Variants in TRMT2B observed in about 807,000 individuals in gnomAD.
TRMT2B encodes the protein tRNA (uracil-5-)-methyltransferase homolog B.
Under a neutral mutation model 39.7 loss-of-function variants are expected in TRMT2B, and 34 were observed. The observed-to-expected ratio is 0.86, with a 90% confidence interval of 0.65 to 1.14. The LOEUF (loss-of-function observed/expected upper bound fraction) is 1.14. TRMT2B is among the 50% of genes most tolerant of loss of function. The pLI is 0.00. For synonymous variants in TRMT2B, 132 were observed against 137.3 expected (o/e 0.96, Z 0.27); for missense variants, 318 against 377.2 (o/e 0.84, Z 1.30).
chrX:100,981,816 G>GA, the TRMT2B span, among the ~76,000 whole-genome samples: 1 of 105,143 alleles, frequency 9.5e-6, no homozygotes, highest in Non-Finnish European at 1.9e-5. Context: ...CTCAAAAAAA[G>GA]AAAAAAATAC....
chrX:101,034,909 G>A (rs2087741314), intron 7 of TRMT2B, among the ~76,000 whole-genome samples: 1 of 111,928 alleles, frequency 8.9e-6, no homozygotes, highest in African/African-American at 3.2e-5. Flanking sequence ...GCATGGGCCT[G>A]TAGTCCCAGC....
chrX:101,048,943 C>T (rs887413513), intron 2 of TRMT2B, among the ~76,000 whole-genome samples: 1 of 112,275 alleles, frequency 8.9e-6, no homozygotes, highest in African/African-American at 3.2e-5. Flanking sequence ...CAGTGCTCAA[C>T]ATGTGTCACT....
intron 2 of TRMT2B, among the ~76,000 whole-genome samples, chrX:101,045,805 A>G (rs2088622438): frequency 9.3e-6 from 1 of 107,897 alleles, no homozygotes; most frequent in South Asian, 4.0e-4. Context: ...CTCAAAAAAT[A>G]ATAATATTAA....
intron 8 of TRMT2B, among the ~76,000 whole-genome samples, chrX:101,022,876 C>A (rs2086870110): frequency 9.0e-6 from 1 of 111,575 alleles, no homozygotes; most frequent in Non-Finnish European, 1.9e-5. Flanking sequence ...TGCAATAAAC[C>A]ATGTAGGAAC....
chrX:101,038,509 A>T (rs1334075732), intron 4 of TRMT2B, among the ~76,000 whole-genome samples: 1 of 111,600 alleles, frequency 9.0e-6, no homozygotes, highest in African/African-American at 3.2e-5. Context: ...CCCAGAATGA[A>T]GGAACAAAAA....
chrX:100,978,759 TTTCC>T, the TRMT2B span, among the ~76,000 whole-genome samples: 3 of 111,005 alleles, frequency 2.7e-5, no homozygotes, highest in Non-Finnish European at 5.7e-5. Flanking sequence ...TTTTTGGTCT[TTTCC>T]TTCCTTCCTT....
intron 11 of TRMT2B, among the ~76,000 whole-genome samples, chrX:101,020,157 C>A (rs193183313): frequency 2.7e-4 from 30 of 111,576 alleles, no homozygotes; most frequent in Middle Eastern, 9.2e-3. Flanking sequence ...AGGTTTGACA[C>A]CTATTGTATT....
At chrX:100,997,410 G>A in the TRMT2B span, among the ~76,000 whole-genome samples, 6 of 111,799 alleles carry the variant, frequency 5.4e-5, no homozygotes, top group Admixed American at 5.7e-4. Context: ...CATCATACTA[G>A]TTACTAGACA....
intron 7 of TRMT2B, among the ~76,000 whole-genome samples, chrX:101,032,221 G>GGTTGCAGTGAGCTGAGATCACGCC (rs2087515130): frequency 9.1e-6 from 1 of 110,339 alleles, no homozygotes; most frequent in Non-Finnish European, 1.9e-5. Flanking sequence ...AGGAGGCAGA[G>GGTTGCAGTGAGCTGAGATCACGCC]GTTGCAGTGA....
chrX:101,049,062 G>A (rs764869996), intron 2 of TRMT2B, among the ~76,000 whole-genome samples: 6 of 111,824 alleles, frequency 5.4e-5, no homozygotes, highest in African/African-American at 1.6e-4. Context: ...GTGCTGTGAG[G>A]ATGAGTACAG....
At chrX:100,985,912 T>C in the TRMT2B span, 12 of 1,204,518 alleles carry the variant, frequency 1.0e-5, no homozygotes, top group South Asian at 1.6e-4. Flanking sequence ...GAAACCCATC[T>C]TAATGTAAGA....
chrX:101,040,674 A>G (rs1391103787), intron 4 of TRMT2B, among the ~76,000 whole-genome samples: 1 of 111,890 alleles, frequency 8.9e-6, no homozygotes, highest in Non-Finnish European at 1.9e-5. Context: ...ACTGTATTCA[A>G]ATTTAAATTG....
At chrX:100,995,438 T>C in the TRMT2B span, among the ~76,000 whole-genome samples, 1 of 111,892 alleles carries the variant, frequency 8.9e-6, no homozygotes, top group Non-Finnish European at 1.9e-5. Context: ...TATTGGCACA[T>C]AGATAATATC....
At chrX:101,027,697 A>C (rs1025374558) in intron 7 of TRMT2B, among the ~76,000 whole-genome samples, 2 of 111,177 alleles carry the variant, frequency 1.8e-5, no homozygotes, top group African/African-American at 6.5e-5. Context: ...CCAGCCTCAT[A>C]ATTTTAAATG....
In TRMT2B at chrX:101,009,426, T is replaced by C. The variant is rs2086162706; in HGVS notation, c.*1155A>G. ...GCCTCCACACTACACAGCACAATTA[T>C]AGGTATTCAGTCTCTCTGAAAATCT... On this transcript the variant is annotated 3_prime_UTR_variant, in exon 14 of 14. Coordinates refer to ENST00000372936, the MANE Select transcript of TRMT2B (RefSeq NM_024917.6). 9.0e-6 allele frequency: 1 copy of C among 110,627 alleles called. No homozygotes were observed. Among genetic ancestry groups the C allele is most frequent in the African/African-American group, 3.3e-5 (1 of 30,449 alleles). 9.1% of individuals were successfully genotyped at this position (110,627 alleles called of 1,213,427 possible).
At chrX:101,048,140 A>ACG (rs1172212213) in intron 2 of TRMT2B, among the ~76,000 whole-genome samples, 2 of 107,612 alleles carry the variant, frequency 1.9e-5, no homozygotes, top group Non-Finnish European at 3.9e-5. Context: ...ACACACACAC[A>ACG]CACACACACA....
In TRMT2B at chrX:101,010,638, A is replaced by G. The variant is rs376411580; in HGVS notation, c.1458T>C (p.Pro486=). The part of the protein sequence containing the change: ...GEPFVLQQAV[P]VDLFPHTPHC... ...GTGGGGTGTGAGGGAACAAATCCAC[A>G]GGTACAGCTTGCTGCAGGACAAAGG... Residue 486 remains proline (P), a synonymous_variant, in exon 14 of 14, where the codon CCT becomes CCC. Coordinates refer to ENST00000372936, the MANE Select transcript of TRMT2B (RefSeq NM_024917.6). The G allele has an allele frequency of 1.1e-5, 13 of 1,209,331 alleles. No individual in the cohort carries two copies. Among genetic ancestry groups the G allele is most frequent in the South Asian group, 3.5e-5 (2 of 56,788 alleles).
chrX:101,035,381 C>A (rs1162191726), intron 7 of TRMT2B, among the ~76,000 whole-genome samples: 2 of 111,729 alleles, frequency 1.8e-5, no homozygotes, highest in African/African-American at 6.5e-5. Flanking sequence ...TGAAAAAGTC[C>A]TTAGATGCCT....
chrX:101,016,891 C>T lies in TRMT2B; in HGVS notation c.1388+2080G>A, dbSNP rs757901308. Among the ~76,000 whole-genome samples, 13 of 111,130 alleles carry T rather than the reference C, an allele frequency of 1.2e-4. No homozygotes were observed. The South Asian group carries it at 4.6e-3, about 39-fold the overall frequency. Reference sequence around the variant, plus strand: ...TTAATTTTAAAAAATTTCTTCCTATCGGGCCGGGTACGGTGGCTCATGCCT... The same window carrying T: ...TTAATTTTAAAAAATTTCTTCCTATTGGGCCGGGTACGGTGGCTCATGCCT... On this transcript the variant is annotated intron_variant, in intron 13 of 13. Transcript: ENST00000372936.
Sources: gnomAD v4.1 joint callset for allele counts (sites outside exome capture counted in the v4.1 genomes callset) on GRCh38, gnomAD v4.1.1 for gene constraint, MANE v1.5 for transcripts, NCBI Gene and HGNC (gene_info 2026-07-23, HGNC 2026-07-21) for gene names.